The following PHACTR4 variants were observed in gnomAD, a reference collection of about 807,000 sequenced individuals.
PHACTR4 encodes phosphatase and actin regulator 4.
In PHACTR4, 51 loss-of-function variants were observed where a neutral mutation model predicts 72.7. The observed-to-expected ratio is 0.70, with a 90% CI of 0.56 to 0.89. PHACTR4 has a LOEUF of 0.89. PHACTR4 is among the 40% of genes least tolerant of loss of function. The pLI is 0.00. For missense variants in PHACTR4, 731 were observed against 861.8 expected (o/e 0.85, Z 1.90); for synonymous variants, 255 against 302.5 (o/e 0.84, Z 1.63).
chr1:28,425,456 G>A (rs1569907639), intron 2 of PHACTR4, among the ~76,000 whole-genome samples: 3 of 152,272 alleles, frequency 2.0e-5, no homozygotes, highest in Admixed American at 2.0e-4. Flanking sequence ...GAAGAGGTTT[G>A]ATATAAACAC....
At chr1:28,456,759 T>C (rs1235936740) in intron 2 of PHACTR4, among the ~76,000 whole-genome samples, 1 of 152,110 alleles carries the variant, frequency 6.6e-6, no homozygotes, top group Non-Finnish European at 1.5e-5. Flanking sequence ...ATTTCAACTA[T>C]TTGCCTGTAA....
chr1:28,378,100 G>A (rs1651832675), intron 1 of PHACTR4, among the ~76,000 whole-genome samples: 1 of 150,716 alleles, frequency 6.6e-6, no homozygotes, highest in South Asian at 2.1e-4. Context: ...GGGAGGCTGA[G>A]GCAGGAGAAT....
chr1:28,451,455 A>G (rs1415403807), intron 2 of PHACTR4, among the ~76,000 whole-genome samples: 1 of 144,776 alleles, frequency 6.9e-6, no homozygotes, highest in Admixed American at 6.9e-5. Context: ...TGCAGTGGCT[A>G]TTCACAGGTG....
rs556868558 is a variant in PHACTR4 at position 28,424,193 on chromosome 1, T to A, written c.16+16730T>A. ...TTTTAAAAATTATTAATTAATTATT[T>A]TTTTATTTTTATTTTTGAGGCAGGG... is the stretch of plus-strand genomic sequence containing the variant. On this transcript the variant is annotated intron_variant, in intron 2 of 13. Transcript: ENST00000373839. Among the ~76,000 whole-genome samples the A allele has an allele frequency of 4.6e-3, 701 of 152,080 alleles. 6 individuals are homozygous for A. Among genetic ancestry groups the A allele is most frequent in the African/African-American group, 0.016 (681 of 41,506 alleles).
chr1:28,427,242 T>A (rs1312847245), intron 2 of PHACTR4, among the ~76,000 whole-genome samples: 1 of 152,068 alleles, frequency 6.6e-6, no homozygotes, highest in African/African-American at 2.4e-5. Flanking sequence ...AGTATAATAT[T>A]TGGCCGGACG....
At chr1:28,445,276 A>G (rs536553139) in intron 2 of PHACTR4, among the ~76,000 whole-genome samples, 45 of 152,124 alleles carry the variant, frequency 3.0e-4, no homozygotes, top group African/African-American at 1.0e-3. Flanking sequence ...CTTTTTTAAG[A>G]CAGAGTCTCG....
chr1:28,488,338 A>G (rs1336567183), intron 9 of PHACTR4, among the ~76,000 whole-genome samples: 2 of 151,756 alleles, frequency 1.3e-5, no homozygotes, highest in Non-Finnish European at 2.9e-5. Context: ...TCTACTAAAA[A>G]TACAAAAAAT....
chr1:28,402,697 T>A (rs1194307379), intron 1 of PHACTR4, among the ~76,000 whole-genome samples: 1 of 152,202 alleles, frequency 6.6e-6, no homozygotes, highest in African/African-American at 2.4e-5. Context: ...ACAGAGGCCA[T>A]AGGAATATTT....
intron 2 of PHACTR4, among the ~76,000 whole-genome samples, chr1:28,454,294 T>C (rs1658203043): frequency 6.9e-6 from 1 of 145,062 alleles, no homozygotes; most frequent in South Asian, 2.2e-4. Flanking sequence ...TTTTTTTTTT[T>C]GAGACGGAGT....
chr1:28,494,800 G>A (rs1003719393), intron 13 of PHACTR4, among the ~76,000 whole-genome samples: 8 of 152,192 alleles, frequency 5.3e-5, no homozygotes, highest in South Asian at 2.1e-4. Context: ...GCAGTCCCTC[G>A]CAATGCTTTG....
chr1:28,388,642 G>A (rs1346679611), intron 1 of PHACTR4, among the ~76,000 whole-genome samples: 2 of 152,314 alleles, frequency 1.3e-5, no homozygotes, highest in Non-Finnish European at 2.9e-5. Flanking sequence ...ACGAGGTCAA[G>A]AGATCAAAAC....
In PHACTR4 at chr1:28,445,304, G is replaced by A. The variant is rs563815637; in HGVS notation, c.17-13781G>A. 3.3e-5 allele frequency among the ~76,000 whole-genome samples: 5 copies of A among 152,186 alleles called. No homozygotes were observed. In the East Asian group the frequency reaches 9.7e-4, roughly 29 times the overall value. Reference sequence around the variant, plus strand: ...GAGTCTCGCTATGTTGCCCAGGCTGGTCTTGAACTCCTGGGCTCATGCGAT... The same window carrying A: ...GAGTCTCGCTATGTTGCCCAGGCTGATCTTGAACTCCTGGGCTCATGCGAT... On this transcript the variant is annotated intron_variant, in intron 2 of 13. Coordinates refer to ENST00000373839, the MANE Select transcript of PHACTR4 (RefSeq NM_001048183.3).
intron 1 of PHACTR4, among the ~76,000 whole-genome samples, chr1:28,379,560 C>T (rs1557773761): frequency 6.6e-6 from 1 of 151,634 alleles, no homozygotes; most frequent in African/African-American, 2.4e-5. Context: ...AGGTGTGAGC[C>T]CCTGTGGCTG....
At chr1:28,396,816 G>A (rs941050864) in intron 1 of PHACTR4, among the ~76,000 whole-genome samples, 13 of 147,854 alleles carry the variant, frequency 8.8e-5, no homozygotes, top group African/African-American at 2.7e-4. Context: ...ACACCACCAC[G>A]CCCGGCTAAT....
At chr1:28,411,853 G>GAAAGAAAGAAAGAACGAATGAACA (rs1412291532) in intron 2 of PHACTR4, among the ~76,000 whole-genome samples, 2 of 143,514 alleles carry the variant, frequency 1.4e-5, no homozygotes, top group African/African-American at 2.7e-5. Flanking sequence ...CCACCCAAAA[G>GAAAGAAAGAAAGAACGAATGAACA]AAAGAAAGAA....
chr1:28,469,894 A>T (rs1659454252), intron 6 of PHACTR4, among the ~76,000 whole-genome samples: 1 of 151,518 alleles, frequency 6.6e-6, no homozygotes, highest in African/African-American at 2.4e-5. Flanking sequence ...CATCTCTACT[A>T]AAAATACAAA....
At chr1:28,397,884 T>G (rs138896430) in intron 1 of PHACTR4, among the ~76,000 whole-genome samples, 172 of 151,906 alleles carry the variant, frequency 1.1e-3, no homozygotes, top group African/African-American at 4.1e-3. Context: ...TGTTGTTGTT[T>G]TTGTATTTTT....
intron 2 of PHACTR4, among the ~76,000 whole-genome samples, chr1:28,425,410 C>T (rs1360385142): frequency 6.6e-6 from 1 of 152,214 alleles, no homozygotes; most frequent in Non-Finnish European, 1.5e-5. Flanking sequence ...AGCCACCAAG[C>T]CTGACCACAA....
At chr1:28,414,101 A>T (rs887436540) in intron 2 of PHACTR4, among the ~76,000 whole-genome samples, 2 of 151,808 alleles carry the variant, frequency 1.3e-5, no homozygotes, top group Non-Finnish European at 2.9e-5. Flanking sequence ...TTTGAGATGG[A>T]GTCTTGCTCT....
Sources: gnomAD v4.1 joint callset for allele counts (sites outside exome capture counted in the v4.1 genomes callset) on GRCh38, gnomAD v4.1.1 for gene constraint, MANE v1.5 for transcripts, NCBI Gene and HGNC (gene_info 2026-07-23, HGNC 2026-07-21) for gene names.